TAFA1: variants seen among roughly 807,000 people sequenced by gnomAD.
TAFA1 encodes the protein TAFA chemokine like family member 1, also known as chemokine-like protein TAFA-1.
TAFA1 carries 4 observed loss-of-function variants against 18.5 expected under a neutral mutation model. That is an observed-to-expected ratio of 0.22 (90% CI 0.11 to 0.49). The LOEUF is 0.49. TAFA1 is among the 20% of genes least tolerant of loss of function. The pLI is 0.98. For synonymous variants in TAFA1, 56 were observed against 55.2 expected (o/e 1.01, Z -0.06); for missense variants, 147 against 169.0 (o/e 0.87, Z 0.72).
intron 2 of TAFA1, among the ~76,000 whole-genome samples, chr3:68,380,368 G>C (rs1170045969): frequency 6.6e-6 from 1 of 152,160 alleles, no homozygotes; most frequent in Non-Finnish European, 1.5e-5. Flanking sequence ...GGTTGAACTA[G>C]TTTACAGTCC....
At chr3:68,384,657 G>C (rs2070051849) in intron 2 of TAFA1, among the ~76,000 whole-genome samples, 1 of 152,050 alleles carries the variant, frequency 6.6e-6, no homozygotes, top group Non-Finnish European at 1.5e-5. Context: ...TTGGGGTAGA[G>C]AATTCTGTAG....
Position 68,444,771 on chromosome 3 carries a change from AATATATATATATATATATATAT to A in TAFA1, c.259+27371_259+27392del, listed in dbSNP as rs55684696. On this transcript the variant is annotated intron_variant, in intron 3 of 4. Transcript: ENST00000478136. ...ACACAGCGAGACCTTGTTTCTACAA[AATATATATATATATATATATAT>A]ATATATATATATATATATAAAATAA... is the stretch of plus-strand genomic sequence containing the variant. Among the ~76,000 whole-genome samples the A allele has an allele frequency of 1.1e-4, 14 of 127,278 alleles. 1 individual carries two copies. The highest frequency in any genetic ancestry group is 3.1e-4 in the African/African-American group (11 of 35,628). The allele number at this position is 127,278 out of a possible 152,430, so 83.5% of individuals were successfully genotyped here. A position where few individuals can be genotyped will look rare whatever the true frequency, so the allele number is the denominator to read the frequency against.
rs141847434 is a variant in TAFA1, at chr3:68,090,861, T to C, written c.118+84117T>C. 8.0e-3 allele frequency among the ~76,000 whole-genome samples: 1,226 copies of C among 152,308 alleles called. 9 individuals carry two copies. The highest frequency in any genetic ancestry group is 0.013 in the Non-Finnish European group (891 of 68,010). ...CTTAAAATCAATGTTAGTAAGACTTTTGCTTCTTTGAATCCAAATCTGTTA... is the reference window on the plus strand; with the variant it reads ...CTTAAAATCAATGTTAGTAAGACTTCTGCTTCTTTGAATCCAAATCTGTTA... On this transcript the variant is annotated intron_variant, in intron 2 of 4. Transcript: ENST00000478136.
chr3:68,370,767 G>A (rs1176438654), intron 2 of TAFA1, among the ~76,000 whole-genome samples: 1 of 135,660 alleles, frequency 7.4e-6, no homozygotes, highest in South Asian at 2.8e-4. Context: ...AAACCTCCTC[G>A]GGTGTTTTCG....
At chr3:68,190,096 G>A (rs914243860) in intron 2 of TAFA1, among the ~76,000 whole-genome samples, 5 of 151,924 alleles carry the variant, frequency 3.3e-5, no homozygotes, top group South Asian at 4.1e-4. Context: ...TGTGAAATCA[G>A]CCTGATCTCT....
intron 2 of TAFA1, among the ~76,000 whole-genome samples, chr3:68,380,797 G>T (rs368743978): frequency 2.0e-5 from 3 of 150,974 alleles, no homozygotes; most frequent in South Asian, 2.1e-4. Context: ...GTCAATTTTG[G>T]CTTTTGTTGC....
At chr3:68,374,618 A>G (rs1559639596) in intron 2 of TAFA1, among the ~76,000 whole-genome samples, 1 of 151,898 alleles carries the variant, frequency 6.6e-6, no homozygotes, top group South Asian at 2.1e-4. Context: ...GACTTTTAAA[A>G]CTCCTGTAAC....
At chr3:68,262,271 T>G (rs1433564471) in intron 2 of TAFA1, among the ~76,000 whole-genome samples, 1 of 143,480 alleles carries the variant, frequency 7.0e-6, no homozygotes, top group African/African-American at 2.6e-5. Context: ...GGATTTTTTT[T>G]TTTTAAATTT....
chr3:68,502,572 A>G (rs2072676109), intron 3 of TAFA1, among the ~76,000 whole-genome samples: 1 of 152,094 alleles, frequency 6.6e-6, no homozygotes, highest in South Asian at 2.1e-4. Context: ...TGTCAATACT[A>G]CCAATATAGC....
At chr3:68,512,697 T>C (rs200353010) in intron 3 of TAFA1, among the ~76,000 whole-genome samples, 18,277 of 151,490 alleles carry the variant, frequency 0.12, 2,884 homozygotes, top group African/African-American at 0.35. Context: ...TGTTTGTTTG[T>C]TTGTTTGTTT....
At chr3:68,188,524 G>T (rs9826029) in intron 2 of TAFA1, among the ~76,000 whole-genome samples, 20,895 of 124,618 alleles carry the variant, frequency 0.17, 2,027 homozygotes, top group African/African-American at 0.34. Flanking sequence ...TATATATATA[G>T]AGAGAGAGAG....
intron 2 of TAFA1, among the ~76,000 whole-genome samples, chr3:68,181,153 T>C (rs1406268394): frequency 6.6e-6 from 1 of 152,038 alleles, no homozygotes; most frequent in Admixed American, 6.6e-5. Context: ...CAGTTAAGCT[T>C]TGAGATGAGA....
At chr3:68,254,133 G>GTATGTATCTATC (rs751671637) in intron 2 of TAFA1, among the ~76,000 whole-genome samples, 1 of 111,118 alleles carries the variant, frequency 9.0e-6, no homozygotes, top group African/African-American at 3.3e-5. Context: ...ATGTATGTAT[G>GTATGTATCTATC]TATCTATCTA....
intron 3 of TAFA1, among the ~76,000 whole-genome samples, chr3:68,440,035 C>T (rs2071344018): frequency 7.1e-6 from 1 of 141,648 alleles, no homozygotes; most frequent in Non-Finnish European, 1.5e-5. Flanking sequence ...TATGGTTTAG[C>T]TGTGTCCCCC....
chr3:68,110,465 T>C (rs759113397), intron 2 of TAFA1, among the ~76,000 whole-genome samples: 14 of 152,196 alleles, frequency 9.2e-5, no homozygotes, highest in Non-Finnish European at 1.6e-4. Flanking sequence ...TATAATAGAA[T>C]GATTTATATT....
At chr3:68,305,409 CTATATATATATA>C (rs773025236) in intron 2 of TAFA1, among the ~76,000 whole-genome samples, 5,740 of 37,758 alleles carry the variant, frequency 0.15, 334 homozygotes, top group Middle Eastern at 0.3. Flanking sequence ...GACTATATGA[CTATATATATATA>C]TATATATATA....
At chr3:68,402,731 C>G (rs539550821) in intron 2 of TAFA1, among the ~76,000 whole-genome samples, 29 of 152,280 alleles carry the variant, frequency 1.9e-4, no homozygotes, top group Non-Finnish European at 2.8e-4. Flanking sequence ...GGGCCAGACT[C>G]TTGGCTTGGA....
intron 2 of TAFA1, among the ~76,000 whole-genome samples, chr3:68,275,516 T>TG (rs2067778411): frequency 1.3e-5 from 2 of 150,874 alleles, no homozygotes; most frequent in South Asian, 4.2e-4. Context: ...TTTTTTTTTT[T>TG]GCATAAGTCA....
chr3:68,376,096 A>G (rs904943391), intron 2 of TAFA1, among the ~76,000 whole-genome samples: 3 of 152,050 alleles, frequency 2.0e-5, no homozygotes, highest in African/African-American at 7.2e-5. Context: ...GGTCTGCACA[A>G]CTGATCAGGA....
Sources: allele counts gnomAD v4.1 joint callset (sites outside exome capture counted in the v4.1 genomes callset), GRCh38; gene constraint gnomAD v4.1.1; transcripts MANE v1.5; gene names NCBI Gene and HGNC (gene_info 2026-07-23, HGNC 2026-07-21).